The following DMGDH variants were observed in gnomAD, a reference collection of about 807,000 sequenced individuals.
DMGDH encodes the protein dimethylglycine dehydrogenase, mitochondrial.
A neutral mutation model predicts 95.2 loss-of-function variants in DMGDH; 76 were observed. The ratio of observed to expected loss-of-function variants is 0.80; its 90% confidence interval spans 0.66 to 0.97. The LOEUF (loss-of-function observed/expected upper bound fraction) is 0.97, where lower values mean the gene tolerates loss of function less well. Ranked by LOEUF, DMGDH falls within the 50% of genes least tolerant of loss-of-function variation. DMGDH has a pLI of 0.00. For missense variants in DMGDH, 987 were observed against 1,055.0 expected (o/e 0.94, Z 0.89); for synonymous variants, 345 against 377.6 (o/e 0.91, Z 1.00).
intron 5 of DMGDH, among the ~76,000 whole-genome samples, chr5:79,050,273 A>AAAAAAAT (rs1554037270): frequency 2.4e-3 from 50 of 20,932 alleles, no homozygotes; most frequent in Non-Finnish European, 3.8e-3. Context: ...AAAAAAAAAA[A>AAAAAAAT]ATATATATAT....
At chr5:79,058,711 ATAAAT>A (rs1194373647) in intron 2 of DMGDH, among the ~76,000 whole-genome samples, 1 of 152,242 alleles carries the variant, frequency 6.6e-6, no homozygotes, top group Non-Finnish European at 1.5e-5. Flanking sequence ...AACCCTTCAA[ATAAAT>A]TAAGAATTTG....
chr5:79,037,025 C>A (rs1005837695), intron 7 of DMGDH, among the ~76,000 whole-genome samples: 1 of 151,900 alleles, frequency 6.6e-6, no homozygotes, highest in Non-Finnish European at 1.5e-5. Flanking sequence ...CCACACACAC[C>A]CACCCACCAA....
At chr5:79,009,223 A>G (rs1219463029) in intron 14 of DMGDH, among the ~76,000 whole-genome samples, 1 of 152,202 alleles carries the variant, frequency 6.6e-6, no homozygotes, top group Admixed American at 6.5e-5. Flanking sequence ...GTATTTGTAT[A>G]TCCCTAAATT....
intron 2 of DMGDH, among the ~76,000 whole-genome samples, chr5:79,058,804 T>C (rs1436470283): frequency 1.3e-5 from 2 of 152,182 alleles, no homozygotes; most frequent in African/African-American, 2.4e-5. Flanking sequence ...ATTAATAAGA[T>C]AGAAGGAATG....
chr5:79,039,181 C>T (rs1439388851), intron 7 of DMGDH, among the ~76,000 whole-genome samples: 5 of 151,234 alleles, frequency 3.3e-5, no homozygotes, highest in South Asian at 2.1e-4. Flanking sequence ...CTAGAAATAC[C>T]ATTTGACCCA....
intron 14 of DMGDH, among the ~76,000 whole-genome samples, chr5:79,015,079 A>G (rs540062713): frequency 4.6e-5 from 7 of 152,094 alleles, no homozygotes; most frequent in Non-Finnish European, 1.0e-4. Flanking sequence ...CCAAACCCAC[A>G]TGCTCAGATG....
intron 4 of DMGDH, among the ~76,000 whole-genome samples, 182 bp downstream of exon 4, chr5:79,054,002 T>C (rs1754944177): frequency 6.6e-6 from 1 of 152,218 alleles, no homozygotes; most frequent in Admixed American, 6.5e-5. Context: ...TACCTTTTTA[T>C]ATATCATTTA....
intron 5 of DMGDH, among the ~76,000 whole-genome samples, chr5:79,047,062 T>C (rs575931032): frequency 6.6e-6 from 1 of 152,260 alleles, no homozygotes; most frequent in South Asian, 2.1e-4. Flanking sequence ...TGGTGTCCTT[T>C]AGCATTCTCT....
At chr5:79,052,865 C>T (rs1754909599) in intron 4 of DMGDH, among the ~76,000 whole-genome samples, 1 of 152,180 alleles carries the variant, frequency 6.6e-6, no homozygotes, top group African/African-American at 2.4e-5. Context: ...TGAAGACTCG[C>T]AAAGGCAAAC....
chr5:79,013,103 A>G (rs543015636), intron 14 of DMGDH, among the ~76,000 whole-genome samples: 2 of 152,246 alleles, frequency 1.3e-5, no homozygotes, highest in Admixed American at 1.3e-4. Context: ...CCCTTTAAAT[A>G]TAAGTTCCAA....
At chr5:79,065,109 G>A (rs1296856299) in intron 1 of DMGDH, among the ~76,000 whole-genome samples, 1 of 151,896 alleles carries the variant, frequency 6.6e-6, no homozygotes, top group Non-Finnish European at 1.5e-5. Context: ...GCATACACAG[G>A]GTCAGGATCA....
intron 10 of DMGDH, chr5:79,030,422 C>A: frequency 4.1e-6 from 1 of 246,810 alleles, no homozygotes; most frequent in Non-Finnish European, 7.9e-6. Context: ...GAGGCTGAGG[C>A]GGGTGGATCA....
intron 1 of DMGDH, among the ~76,000 whole-genome samples, chr5:79,067,088 T>C (rs2112682761): frequency 6.6e-6 from 1 of 152,352 alleles, no homozygotes; most frequent in East Asian, 1.9e-4. Flanking sequence ...CTAGTCATCA[T>C]TTATTTGAAT....
intron 15 of DMGDH, chr5:79,000,204 A>C: frequency 1.6e-6 from 1 of 610,040 alleles, no homozygotes; most frequent in Non-Finnish European, 3.2e-6. Flanking sequence ...TTATGTTTAA[A>C]GTGATCTGGT....
In DMGDH at chr5:79,050,885, T is replaced by C. The variant is rs1477472668; in HGVS notation, c.745+402A>G. ...AGAGTCAAAAGTCATCAGAAATGGA[T>C]GAGAGAGAACCCAAATGATCAAATC... On this transcript the variant is annotated intron_variant, in intron 5 of 15. Transcript: ENST00000255189. 2.0e-5 allele frequency among the ~76,000 whole-genome samples: 3 copies of C among 152,108 alleles called. No individual in the cohort carries two copies. The East Asian group carries it at 5.8e-4, about 29-fold the overall frequency.
At position 79,044,424 on chromosome 5, in the gene DMGDH, G is replaced by A. The variant is rs771709813; in HGVS notation, c.874C>T (p.Arg292Cys). Residue 292 changes from arginine to cysteine, a missense_variant, in exon 6 of 16, where the codon CGT becomes TGT. By Grantham distance (180) the Arg-to-Cys change is radical (BLOSUM62 -3). Coordinates refer to ENST00000255189, the MANE Select transcript of DMGDH (RefSeq NM_013391.3). Reference protein sequence around the residue: ...KALKRELPVLRDLEGSYYLRQ... With the variant: ...KALKRELPVLCDLEGSYYLRQ... ...AGATAATATGATCCTTCCAGGTCAC[G>A]GAGCACAGGCAGTTCTCGTTTCAAA... 13 of 1,614,000 alleles carry A rather than the reference G, an allele frequency of 8.1e-6. No individual in the cohort carries two copies. Among genetic ancestry groups the A allele is most frequent in the East Asian group, 6.7e-5 (3 of 44,884 alleles).
At chr5:79,037,897 CA>C (rs1449348184) in intron 7 of DMGDH, among the ~76,000 whole-genome samples, 3 of 152,128 alleles carry the variant, frequency 2.0e-5, no homozygotes, top group African/African-American at 7.2e-5. Flanking sequence ...CTGAAAACTA[CA>C]AATCATTGTT....
At position 79,051,492 on chromosome 5, in the gene DMGDH, C is replaced by T. The variant is rs768254274; in HGVS notation, c.541-1G>A. ...CAGGATTATACAATCCAGCTAAAAC[C>T]TAAATCAATCATACCAGAGTCAATA... is the stretch of plus-strand genomic sequence containing the variant. On this transcript the variant is annotated splice_acceptor_variant, in intron 4 of 15. Transcript: ENST00000255189. LOFTEE classifies it high-confidence loss of function. 1 of 1,613,412 alleles carries T rather than the reference C, an allele frequency of 6.2e-7. No homozygotes were observed. Among genetic ancestry groups the T allele is most frequent in the Non-Finnish European group, 8.5e-7 (1 of 1,179,396 alleles).
intron 4 of DMGDH, among the ~76,000 whole-genome samples, chr5:79,052,675 G>C (rs1706549618): frequency 6.6e-6 from 1 of 152,140 alleles, no homozygotes; most frequent in Non-Finnish European, 1.5e-5. Flanking sequence ...ATGCCCTTGA[G>C]AAAAATTCAT....
Sources: allele counts gnomAD v4.1 joint callset (sites outside exome capture counted in the v4.1 genomes callset), GRCh38; gene constraint gnomAD v4.1.1; transcripts MANE v1.5; gene names NCBI Gene and HGNC (gene_info 2026-07-23, HGNC 2026-07-21).